WARS1: variants seen among roughly 807,000 people sequenced by gnomAD.
WARS1 encodes tryptophan--tRNA ligase, cytoplasmic.
In WARS1, 17 loss-of-function variants were observed where a neutral mutation model predicts 47.8. That is an observed-to-expected ratio of 0.36 (90% CI 0.24 to 0.53). The LOEUF (loss-of-function observed/expected upper bound fraction) is 0.53. WARS1 is among the 20% of genes least tolerant of loss of function. The pLI is 0.91. For synonymous variants in WARS1, 208 were observed against 228.1 expected (o/e 0.91, Z 0.79); for missense variants, 434 against 608.0 (o/e 0.71, Z 3.01).
At chr14:100,359,130 T>G (rs1895506061) in intron 4 of WARS1, among the ~76,000 whole-genome samples, 1 of 152,226 alleles carries the variant, frequency 6.6e-6, no homozygotes, top group African/African-American at 2.4e-5. Flanking sequence ...GAGTTAAACA[T>G]GGAATTACTA....
At chr14:100,363,192 C>T (rs1895758446) in intron 2 of WARS1, among the ~76,000 whole-genome samples, 1 of 152,108 alleles carries the variant, frequency 6.6e-6, no homozygotes, top group African/African-American at 2.4e-5. Flanking sequence ...CACTTAATAA[C>T]TAGCTTTGTT....
At chr14:100,376,116 C>T (rs1896644345), upstream of WARS1, 1 of 168,454 alleles carries the variant, frequency 5.9e-6, no homozygotes, top group South Asian at 2.0e-4. Flanking sequence ...CTCCGCGCCT[C>T]ACAGTGCCAG....
intron 1 of WARS1, chr14:100,370,256 A>G (rs1171955077): frequency 6.6e-6 from 1 of 152,200 alleles, no homozygotes; most frequent in African/African-American, 2.4e-5. Flanking sequence ...AAGTGGGGAC[A>G]TGGCAGACAG....
intron 7 of WARS1, among the ~76,000 whole-genome samples, chr14:100,344,950 T>TG (rs1476731735): frequency 4.2e-5 from 5 of 117,848 alleles, no homozygotes; most frequent in Middle Eastern, 6.0e-3. Context: ...TGGAGGGAGG[T>TG]GGGGGGTCAG....
At chr14:100,357,599 T>C (rs1895407085) in intron 4 of WARS1, among the ~76,000 whole-genome samples, 1 of 151,948 alleles carries the variant, frequency 6.6e-6, no homozygotes, top group East Asian at 1.9e-4. Flanking sequence ...GTAGCTGGGA[T>C]TACAGGCGCC....
chr14:100,352,270 C>A (rs965213731), intron 6 of WARS1, among the ~76,000 whole-genome samples: 2 of 151,688 alleles, frequency 1.3e-5, no homozygotes, highest in African/African-American at 4.8e-5. Context: ...CGCCACCACA[C>A]CCGGCTAATT....
At position 100,339,329 on chromosome 14, in the gene WARS1, C is replaced by T. The variant is rs551230528; in HGVS notation, c.1114-2127G>A. On this transcript the variant is annotated intron_variant, in intron 9 of 10. Transcript: ENST00000392882. Reference sequence around the variant, plus strand: ...TGCGAGGGGCTGGCGCAGTGGCTCACGCCTGTAATCCCAGCACTTTGGGAG... The same window carrying T: ...TGCGAGGGGCTGGCGCAGTGGCTCATGCCTGTAATCCCAGCACTTTGGGAG... Among the ~76,000 whole-genome samples, 309 of 152,220 alleles carry T rather than the reference C, an allele frequency of 2.0e-3. 1 individual carries two copies. Among genetic ancestry groups the T allele is most frequent in the African/African-American group, 6.0e-3 (249 of 41,534 alleles).
chr14:100,350,200 T>C (rs1056863786), intron 6 of WARS1, among the ~76,000 whole-genome samples: 4 of 151,418 alleles, frequency 2.6e-5, no homozygotes, highest in African/African-American at 7.3e-5. Flanking sequence ...GAGACCAGCC[T>C]GGCCAACATG....
chr14:100,360,480 A>G, intron 4 of WARS1, 74 bp downstream of exon 4: 1 of 1,220,094 alleles, frequency 8.2e-7, no homozygotes, highest in Non-Finnish European at 1.2e-6. Flanking sequence ...TGGCTTATGA[A>G]GAGAGTGTCT....
At chr14:100,339,557 C>T (rs1411477571) in intron 9 of WARS1, among the ~76,000 whole-genome samples, 6 of 145,092 alleles carry the variant, frequency 4.1e-5, no homozygotes, top group South Asian at 2.2e-4. Flanking sequence ...TGCCACTGCA[C>T]TCCAGCCTGG....
intron 10 of WARS1, among the ~76,000 whole-genome samples, chr14:100,336,275 CAAAAAAA>C (rs56343247): frequency 8.8e-6 from 1 of 113,998 alleles, no homozygotes; most frequent in Non-Finnish European, 1.8e-5. Context: ...GACTCTGTCT[CAAAAAAA>C]AAAAAAAAAG....
At chr14:100,352,454 G>A (rs966702226) in intron 6 of WARS1, among the ~76,000 whole-genome samples, 2 of 152,256 alleles carry the variant, frequency 1.3e-5, no homozygotes, top group Middle Eastern at 6.8e-3. Flanking sequence ...AAGAGGGAAC[G>A]TTCTGGGGAT....
At chr14:100,346,670 G>C (rs1325889612) in intron 7 of WARS1, 76 bp downstream of exon 7, 6 of 1,179,214 alleles carry the variant, frequency 5.1e-6, no homozygotes, top group South Asian at 1.2e-5. Flanking sequence ...TTTAAACCAG[G>C]CATGTGTCTC....
At chr14:100,354,391 A>C in intron 5 of WARS1, 56 bp downstream of exon 5, 1 of 1,583,790 alleles carries the variant, frequency 6.3e-7, no homozygotes, top group Non-Finnish European at 8.6e-7. Flanking sequence ...ATGGTTTATA[A>C]GCAACATTCT....
chr14:100,362,043 C>G, intron 2 of WARS1, 122 bp from the exon 3 acceptor site: 1 of 1,001,510 alleles, frequency 1.0e-6, no homozygotes, highest in South Asian at 1.5e-5. Context: ...GTTAGTGTCA[C>G]AACCCTACAA....
chr14:100,346,851 A>G lies in WARS1; in HGVS notation c.726-5T>C. Reference sequence around the variant, plus strand: ...TTGTAGAAACCTGAGCTCATCCTGCAAAGACAACGAGAATGAAATCCCAAA... The same window carrying G: ...TTGTAGAAACCTGAGCTCATCCTGCGAAGACAACGAGAATGAAATCCCAAA... On this transcript the variant is annotated splice_region_variant and splice_polypyrimidine_tract_variant and intron_variant, in intron 6 of 10. Coordinates refer to ENST00000392882, the MANE Select transcript of WARS1 (RefSeq NM_004184.4). 6.2e-7 allele frequency: 1 copy of G among 1,611,404 alleles called. No individual in the cohort carries two copies. The highest frequency in any genetic ancestry group is 1.7e-4 in the Middle Eastern group (1 of 6,052).
intron 2 of WARS1, among the ~76,000 whole-genome samples, chr14:100,365,289 C>CGG (rs904584737): frequency 2.9e-5 from 2 of 68,374 alleles, no homozygotes; most frequent in African/African-American, 5.9e-5. Flanking sequence ...TTAAAAGTGT[C>CGG]GGAAGTCGGG....
chr14:100,369,199 C>A lies in WARS1; in HGVS notation c.-14G>T. ...ACTGTTGGGCATGTTTGCTATCTCTCAGGAACTACGTTCACAGCCGGCCTG... is the reference window on the plus strand; with the variant it reads ...ACTGTTGGGCATGTTTGCTATCTCTAAGGAACTACGTTCACAGCCGGCCTG... On this transcript the variant is annotated 5_prime_UTR_variant, in exon 2 of 11. Coordinates refer to ENST00000392882, the MANE Select transcript of WARS1 (RefSeq NM_004184.4). The A allele has an allele frequency of 7.2e-7, 1 of 1,383,880 alleles. No homozygotes were observed. Among genetic ancestry groups the A allele is most frequent in the South Asian group, 1.5e-5 (1 of 65,712 alleles). 85.7% of individuals were successfully genotyped at this position (1,383,880 alleles called of 1,614,324 possible).
chr14:100,375,117 TTCC>T (rs1566874309), intron 1 of WARS1, among the ~76,000 whole-genome samples, 163 bp downstream of exon 1: 20 of 152,314 alleles, frequency 1.3e-4, no homozygotes, highest in South Asian at 2.1e-4. Context: ...AGGATCTCTG[TTCC>T]CTATGGGAGC....
Sources: allele counts gnomAD v4.1 joint callset (sites outside exome capture counted in the v4.1 genomes callset), GRCh38; gene constraint gnomAD v4.1.1; transcripts MANE v1.5; gene names NCBI Gene and HGNC (gene_info 2026-07-23, HGNC 2026-07-21).